EHBP1: variants seen among roughly 807,000 people sequenced by gnomAD.
The protein encoded by EHBP1 is EH domain binding protein 1.
Under a neutral mutation model 144.0 loss-of-function variants are expected in EHBP1, and 55 were observed. The observed-to-expected ratio is 0.38, with a 90% CI of 0.31 to 0.48. EHBP1 has a LOEUF of 0.48. EHBP1 is among the 20% of genes least tolerant of loss of function. The probability of loss-of-function intolerance (pLI) is 0.98; values close to 1 mark genes in which losing one functional copy is unlikely to be tolerated. For missense variants in EHBP1, 1,200 were observed against 1,364.2 expected, an observed-to-expected ratio of 0.88 and a Z score of 1.90; for synonymous variants, 469 against 472.7, an observed-to-expected ratio of 0.99 and a Z score of 0.10.
chr2:62,970,700 T>A (rs1368490045), intron 14 of EHBP1, among the ~76,000 whole-genome samples: 1 of 152,130 alleles, frequency 6.6e-6, no homozygotes, highest in Non-Finnish European at 1.5e-5. Context: ...ATTTGATTCT[T>A]AAGATCCAAA....
At chr2:62,884,016 TA>T (rs1009388066) in intron 10 of EHBP1, among the ~76,000 whole-genome samples, 1 of 152,164 alleles carries the variant, frequency 6.6e-6, no homozygotes, top group African/African-American at 2.4e-5. Flanking sequence ...CATTATTAAG[TA>T]AAAAAAGTGC....
Position 62,993,558 on chromosome 2 carries a change from G to A in EHBP1, c.2762G>A (p.Arg921Gln), listed in dbSNP as rs1282442242. ...KSGTEDLRTE[R>Q]LQKTTERFRN... The stretch of plus-strand genomic sequence containing the variant: ...GGCACAGAAGATCTCCGGACTGAAC[G>A]ATTACAAAAAACAACAGAACGTTTT... Residue 921 changes from arginine to glutamine, a missense_variant, in exon 17 of 23, where the codon CGA becomes CAA. Arg to Gln is a conservative substitution (Grantham distance 43). Coordinates refer to ENST00000431489, the MANE Select transcript of EHBP1 (RefSeq NM_001142616.3). The A allele has an allele frequency of 5.0e-6, 8 of 1,596,998 alleles. No individual in the cohort carries two copies. The highest frequency in any genetic ancestry group is 1.7e-5 in the Admixed American group (1 of 59,522).
intron 5 of EHBP1, among the ~76,000 whole-genome samples, chr2:62,822,374 A>G (rs894282563): frequency 1.3e-5 from 2 of 152,148 alleles, no homozygotes; most frequent in Admixed American, 6.5e-5. Context: ...TTTAAAGTAA[A>G]CATTCTGCAT....
intron 14 of EHBP1, among the ~76,000 whole-genome samples, chr2:62,964,618 C>T (rs1405396728): frequency 2.6e-5 from 4 of 152,146 alleles, no homozygotes; most frequent in Non-Finnish European, 4.4e-5. Flanking sequence ...CTACTAATTC[C>T]TTTGCTTCAC....
chr2:62,722,737 C>T (rs776705370), intron 2 of EHBP1, among the ~76,000 whole-genome samples: 8 of 152,020 alleles, frequency 5.3e-5, no homozygotes, highest in Non-Finnish European at 1.2e-4. Flanking sequence ...AAGAGTGTTC[C>T]TCAATTTGTG....
At chr2:62,980,430 A>G (rs1303311018) in intron 15 of EHBP1, among the ~76,000 whole-genome samples, 2 of 152,216 alleles carry the variant, frequency 1.3e-5, no homozygotes, top group Non-Finnish European at 2.9e-5. Context: ...GTACTGGTCC[A>G]TGGCCCTGGG....
chr2:62,810,418 G>C (rs536866043), intron 5 of EHBP1, among the ~76,000 whole-genome samples: 1 of 152,306 alleles, frequency 6.6e-6, no homozygotes, highest in South Asian at 2.1e-4. Context: ...GGGAAGAAGA[G>C]TCCAGATTCT....
chr2:62,893,023 T>A (rs2052588507), intron 10 of EHBP1, among the ~76,000 whole-genome samples: 1 of 152,146 alleles, frequency 6.6e-6, no homozygotes, highest in Non-Finnish European at 1.5e-5. Flanking sequence ...AAGATAGTAA[T>A]GAACATTTCC....
chr2:63,015,309 A>G (rs1257160851), intron 19 of EHBP1, among the ~76,000 whole-genome samples: 1 of 152,222 alleles, frequency 6.6e-6, no homozygotes, highest in African/African-American at 2.4e-5. Flanking sequence ...TTGGACAACC[A>G]TAGTTTTTAA....
At chr2:62,762,815 C>T (rs769606421) in intron 3 of EHBP1, among the ~76,000 whole-genome samples, 3 of 150,974 alleles carry the variant, frequency 2.0e-5, no homozygotes, top group Admixed American at 6.6e-5. Context: ...GTTCTCAAAA[C>T]ATTAGCCAAT....
intron 10 of EHBP1, among the ~76,000 whole-genome samples, chr2:62,877,204 A>T (rs2050961268): frequency 6.6e-6 from 1 of 152,216 alleles, no homozygotes; most frequent in South Asian, 2.1e-4. Context: ...AGGGGTTGCT[A>T]TTCTAATGCT....
At chr2:62,871,937 A>T (rs1248642673) in intron 9 of EHBP1, 2 of 152,186 alleles carry the variant, frequency 1.3e-5, no homozygotes, top group Non-Finnish European at 2.9e-5. Flanking sequence ...TTTTTTCAGA[A>T]CTTTTATGAA....
chr2:62,686,995 C>A (rs1277004220), intron 1 of EHBP1, among the ~76,000 whole-genome samples: 2 of 152,176 alleles, frequency 1.3e-5, no homozygotes, highest in East Asian at 1.9e-4. Context: ...TATAAAGAAA[C>A]CATTCAACTG....
At chr2:62,869,861 G>A (rs1037581810) in intron 9 of EHBP1, among the ~76,000 whole-genome samples, 4 of 152,168 alleles carry the variant, frequency 2.6e-5, no homozygotes, top group African/African-American at 4.8e-5. Flanking sequence ...ATTATATCAC[G>A]TGAGTGATAT....
At position 62,746,040 on chromosome 2, in the gene EHBP1, A is replaced by G. The variant is rs970856875; in HGVS notation, c.105-1355A>G. On this transcript the variant is annotated intron_variant, in intron 2 of 22. Coordinates refer to ENST00000431489, the MANE Select transcript of EHBP1 (RefSeq NM_001142616.3). ...GTGCTGGAGCTGTGGAGATGAGAGCATAAGTGAAGAGGTTAGTGCAGTAAT... is the reference window on the plus strand; with the variant it reads ...GTGCTGGAGCTGTGGAGATGAGAGCGTAAGTGAAGAGGTTAGTGCAGTAAT... Among the ~76,000 whole-genome samples the G allele has an allele frequency of 2.6e-5, 4 of 152,232 alleles. No homozygotes were observed. In the South Asian group the frequency reaches 6.2e-4, roughly 24 times the overall value.
chr2:62,996,852 A>C, intron 19 of EHBP1, 86 bp downstream of exon 19: 5 of 1,555,134 alleles, frequency 3.2e-6, no homozygotes, highest in Non-Finnish European at 4.3e-6. Flanking sequence ...TGAATCTTTG[A>C]AGCCTGAATG....
chr2:62,905,356 G>A (rs1246827793), intron 10 of EHBP1, among the ~76,000 whole-genome samples: 1 of 152,182 alleles, frequency 6.6e-6, no homozygotes, highest in Non-Finnish European at 1.5e-5. Context: ...GGAACAAGTG[G>A]GCAAGTGTGG....
At chr2:62,751,920 T>C (rs1417247497) in intron 3 of EHBP1, among the ~76,000 whole-genome samples, 7 of 152,142 alleles carry the variant, frequency 4.6e-5, no homozygotes, top group Admixed American at 1.3e-4. Context: ...TTTGTTGATC[T>C]TTTCAAAAAA....
chr2:62,789,372 C>T (rs1318049964), intron 5 of EHBP1, among the ~76,000 whole-genome samples: 1 of 152,132 alleles, frequency 6.6e-6, no homozygotes, highest in Non-Finnish European at 1.5e-5. Context: ...TTAAATGCCA[C>T]CTAGAAAGTT....
Sources: allele counts gnomAD v4.1 joint callset (sites outside exome capture counted in the v4.1 genomes callset), GRCh38; gene constraint gnomAD v4.1.1; transcripts MANE v1.5; gene names NCBI Gene and HGNC (gene_info 2026-07-23, HGNC 2026-07-21).